Variants in IGSF22 observed in about 807,000 individuals in gnomAD.
IGSF22 encodes the protein immunoglobulin superfamily, member 22.
In IGSF22, 119 loss-of-function variants were observed where a neutral mutation model predicts 127.0. The ratio of observed to expected loss-of-function variants is 0.94; its 90% CI spans 0.81 to 1.09. The LOEUF (loss-of-function observed/expected upper bound fraction) is 1.09, where lower values mean the gene tolerates loss of function less well. Among genes scored for constraint, IGSF22 ranks in the 50% least tolerant of loss-of-function variants. The probability of loss-of-function intolerance (pLI) is 0.00; values close to 1 mark genes in which losing one functional copy is unlikely to be tolerated. For synonymous variants in IGSF22, 568 were observed against 664.7 expected, an observed-to-expected ratio of 0.85 and a Z score of 2.24; for missense variants, 1,518 against 1,716.6, an observed-to-expected ratio of 0.88 and a Z score of 2.04.
intron 10 of IGSF22, among the ~76,000 whole-genome samples, 158 bp from the exon 11 acceptor site, chr11:18,715,874 C>G (rs1039874179): frequency 2.0e-5 from 3 of 152,162 alleles, no homozygotes; most frequent in South Asian, 2.1e-4. Context: ...ACAGAAGTAC[C>G]CGACAGGGAG....
intron 1 of IGSF22, 25 bp from the exon 2 acceptor site, chr11:18,724,294 A>T: frequency 8.4e-7 from 1 of 1,190,054 alleles, no homozygotes; most frequent in Non-Finnish European, 1.3e-6. Flanking sequence ...GAGGCCATGA[A>T]GGACAAGACA....
rs1303681191 is a variant in IGSF22, at chr11:18,709,334, G to A, written c.2998+53C>T. The A allele has an allele frequency of 6.4e-7, 1 of 1,553,538 alleles. No homozygotes were observed. Among genetic ancestry groups the A allele is most frequent in the Non-Finnish European group, 8.8e-7 (1 of 1,136,006 alleles). On this transcript the variant is annotated intron_variant, in intron 18 of 22. Coordinates refer to ENST00000513874, the MANE Select transcript of IGSF22 (RefSeq NM_173588.4). The surrounding 1 kb of genome is among the most constrained non-coding windows in gnomAD (Gnocchi z 4.8). ...TGTGGGATGAGGCCCCAGAGGAGAA[G>A]GTTTGGAGGTACAATGTTGGGCATG... is the stretch of plus-strand genomic sequence containing the variant.
At chr11:18,704,855 T>C in intron 22 of IGSF22, 1 of 319,150 alleles carries the variant, frequency 3.1e-6, no homozygotes, top group South Asian at 3.5e-5. Flanking sequence ...GCCCATTTGC[T>C]GTGCTTACAA....
chr11:18,715,706 G>A lies in IGSF22; in HGVS notation c.1257C>T (p.Ile419=). Residue 419 remains isoleucine, a synonymous_variant, in exon 11 of 23, where the codon ATC becomes ATT. Transcript: ENST00000513874. The part of the protein sequence containing the change: ...KAQLTVDRIP[I]KFVSNLKNVR... ...CATTTTTGAGGTTGCTCACAAACTT[G>A]ATGGGGATGCCTGTGGACAGACAGA... is the stretch of plus-strand genomic sequence containing the variant. 2 of 1,610,368 alleles carry A rather than the reference G, an allele frequency of 1.2e-6. No individual in the cohort carries two copies. Among genetic ancestry groups the A allele is most frequent in the Non-Finnish European group, 1.7e-6 (2 of 1,178,720 alleles).
In IGSF22 at chr11:18,712,326, C is replaced by T. The variant is rs1183305166; in HGVS notation, c.2154G>A (p.Val718=). The change falls in exon 15 of 23, where the codon GTG becomes GTA. Residue 718 remains valine (V), a synonymous_variant. Coordinates refer to ENST00000513874, the MANE Select transcript of IGSF22 (RefSeq NM_173588.4). ...VEFLELSGSC[V]HMKWKAPKDN... ...CCTTTGGGGCCTTCCACTTCATGTG[C>T]ACACAACTACCTGAGAGCTCCAGGA... 4.5e-6 allele frequency: 7 copies of T among 1,551,694 alleles called. No individual in the cohort carries two copies. In the South Asian group the frequency reaches 8.3e-5, roughly 18 times the overall value.
intron 19 of IGSF22, 78 bp downstream of exon 19, chr11:18,708,129 G>A (rs1486561699): frequency 9.8e-6 from 15 of 1,526,458 alleles, no homozygotes; most frequent in Non-Finnish European, 1.3e-5. Flanking sequence ...CAGAGTCAGA[G>A]TCAGAGACTG....
chr11:18,704,395 C>T lies in IGSF22; in HGVS notation c.*73G>A. 1 of 987,326 alleles carries T rather than the reference C, an allele frequency of 1.0e-6. No homozygotes were observed. Among genetic ancestry groups the T allele is most frequent in the Non-Finnish European group, 1.6e-6 (1 of 635,012 alleles). 61.2% of individuals were successfully genotyped at this position (987,326 alleles called of 1,614,324 possible). Reference sequence around the variant, plus strand: ...CAGAGAGCAAACTGGGCTTCCTACACTGGGCCATGCAGAGGACAGGCCAAG... The same window carrying T: ...CAGAGAGCAAACTGGGCTTCCTACATTGGGCCATGCAGAGGACAGGCCAAG... On this transcript the variant is annotated 3_prime_UTR_variant, in exon 23 of 23. Transcript: ENST00000513874.
Position 18,705,981 on chromosome 11 carries a change from C to T in IGSF22, c.3746G>A (p.Gly1249Asp). The stretch of plus-strand genomic sequence containing the variant: ...GGAGTTGGCCGTGATGTTGACGTCG[C>T]CCTTGTAGAGGGTCACTGTGGGCCG... ...NPRPTVTLYK[G>D]DVNITANSKF... Residue 1249 changes from glycine (G) to aspartate (D), a missense_variant, in exon 22 of 23, where the codon GGC (glycine) becomes GAC (aspartate). Transcript: ENST00000513874. The T allele has an allele frequency of 6.4e-7, 1 of 1,551,728 alleles. No individual in the cohort carries two copies. The highest frequency in any genetic ancestry group is 2.4e-5 in the East Asian group (1 of 40,920).
At chr11:18,713,409 C>G (rs763238433) in intron 14 of IGSF22, among the ~76,000 whole-genome samples, 1 of 152,056 alleles carries the variant, frequency 6.6e-6, no homozygotes, top group Non-Finnish European at 1.5e-5. Flanking sequence ...CGCCTTGGAC[C>G]CCCAAAGTGC....
rs1447247084 is a variant in IGSF22 at position 18,708,266 on chromosome 11, G to T, written c.3028C>A (p.Leu1010Met). The T allele has an allele frequency of 1.9e-6, 3 of 1,548,660 alleles. No homozygotes were observed. The highest frequency in any genetic ancestry group is 4.9e-5 in the East Asian group (2 of 40,912). Residue 1010 changes from leucine (L) to methionine (M), a missense_variant, in exon 19 of 23, where the codon CTG becomes ATG. Transcript: ENST00000513874. ...GCGCGAACCACCATGTGACTCTTCA[G>T]CCGGGCACTGAGGTCAAACTTGGGT... ...AAPKFDLSAR[L>M]KSHMVVRAGT...
intron 15 of IGSF22, 42 bp downstream of exon 15, chr11:18,712,040 G>C (rs1420285861): frequency 2.0e-6 from 3 of 1,500,756 alleles, no homozygotes; most frequent in Non-Finnish European, 2.7e-6. Flanking sequence ...TCTCCATGCT[G>C]ACCCCTGGGT....
chr11:18,707,250 C>T, intron 20 of IGSF22, 37 bp from the exon 21 acceptor site: 1 of 1,482,952 alleles, frequency 6.7e-7, no homozygotes, highest in Non-Finnish European at 9.0e-7. Flanking sequence ...GACCTTGGGG[C>T]ACCTGAAGTA....
At chr11:18,713,151 CTTTTT>C (rs11364796) in intron 14 of IGSF22, among the ~76,000 whole-genome samples, 4 of 117,642 alleles carry the variant, frequency 3.4e-5, no homozygotes. Context: ...GTTGTTGTTT[CTTTTT>C]TTTTTTTTTT....
Position 18,704,374 on chromosome 11 carries a change from G to C in IGSF22, c.*94C>G. On this transcript the variant is annotated 3_prime_UTR_variant, in exon 23 of 23. Transcript: ENST00000513874. ...AATGTTTACATTAACAAACACCAGA[G>C]AGCAAACTGGGCTTCCTACACTGGG... The C allele has an allele frequency of 1.3e-6, 1 of 790,832 alleles. No homozygotes were observed. Among genetic ancestry groups the C allele is most frequent in the Non-Finnish European group, 2.2e-6 (1 of 461,810 alleles). The allele number at this position is 790,832 out of a possible 1,614,324, so 49.0% of individuals were successfully genotyped here.
intron 2 of IGSF22, 83 bp downstream of exon 2, chr11:18,724,045 C>T (rs1476930555): frequency 2.6e-6 from 3 of 1,141,476 alleles, no homozygotes; most frequent in African/African-American, 1.5e-5. Flanking sequence ...CCATTAGTGG[C>T]AAAACTGGGG....
chr11:18,721,583 C>A lies in IGSF22; in HGVS notation c.330G>T (p.Glu110Asp), dbSNP rs951386128. ...TGCTGTCGTAGAATATCTTGGCGGA[C>A]TCCTTGATGGGGATGCCGCTCTCCC... ...WKRESGIPIK[E>D]SAKIFYDSIN... The change falls in exon 4 of 23, where the codon GAG becomes GAT. Residue 110 changes from glutamate (E) to aspartate (D), a missense_variant. Around this residue, in one of 3 missense-constraint regions of IGSF22, gnomAD observed 1,456 missense variants for 1,644.9 expected, o/e 0.89. Transcript: ENST00000513874. 4.3e-6 allele frequency: 7 copies of A among 1,614,150 alleles called. No individual in the cohort carries two copies. The highest frequency in any genetic ancestry group is 1.7e-5 in the Admixed American group (1 of 60,018).
chr11:18,713,462 G>A (rs879360007), intron 14 of IGSF22, among the ~76,000 whole-genome samples: 1 of 152,170 alleles, frequency 6.6e-6, no homozygotes, highest in Non-Finnish European at 1.5e-5. Flanking sequence ...TAGCCACCGT[G>A]TCTGGCAAAT....
intron 9 of IGSF22, among the ~76,000 whole-genome samples, 166 bp downstream of exon 9, chr11:18,717,765 C>G (rs1316616117): frequency 3.3e-5 from 5 of 152,164 alleles, no homozygotes; most frequent in African/African-American, 1.2e-4. Context: ...AGTCCTCTCC[C>G]TTACATCTGA....
Position 18,714,071 on chromosome 11 carries a change from G to GGGCC in IGSF22, c.1872_1875dup (p.His626GlyfsTer49). 6.2e-7 allele frequency: 1 copy of GGGCC among 1,614,246 alleles called. No homozygotes were observed. The highest frequency in any genetic ancestry group is 8.5e-7 in the Non-Finnish European group (1 of 1,180,036). ...TTTCCCCGGAAGGGGACCTTGATGT[G>GGGCC]GGCCGTGTGGCCTACCTTCACAGTG... On this transcript the variant is annotated frameshift_variant, in exon 14 of 23. Coordinates refer to ENST00000513874, the MANE Select transcript of IGSF22 (RefSeq NM_173588.4). LOFTEE classifies it high-confidence loss of function.
Sources: allele counts gnomAD v4.1 joint callset (sites outside exome capture counted in the v4.1 genomes callset), GRCh38; gene constraint gnomAD v4.1.1; regional missense constraint gnomAD v4.1.1; non-coding constraint Gnocchi (gnomAD v3.1); transcripts MANE v1.5; gene names NCBI Gene and HGNC (gene_info 2026-07-23, HGNC 2026-07-21).